The following ENTPD7 variants were observed in gnomAD, a reference collection of about 807,000 sequenced individuals.
The protein encoded by ENTPD7 is ectonucleoside triphosphate diphosphohydrolase 7, also known as NTPDase 7.
A neutral mutation model predicts 77.9 loss-of-function variants in ENTPD7; 53 were observed. That is an observed-to-expected ratio of 0.68 (90% CI 0.55 to 0.85). The LOEUF is 0.85. Among genes scored for constraint, ENTPD7 ranks in the 40% least tolerant of loss-of-function variants. The probability of loss-of-function intolerance (pLI) is 0.00; values close to 1 mark genes in which losing one functional copy is unlikely to be tolerated. For missense variants in ENTPD7, 636 were observed against 743.7 expected (o/e 0.86, Z 1.68); for synonymous variants, 248 against 274.9 (o/e 0.90, Z 0.97).
intron 3 of ENTPD7, among the ~76,000 whole-genome samples, chr10:99,678,820 AATC>A (rs1474475567): frequency 6.6e-6 from 1 of 150,680 alleles, no homozygotes; most frequent in Non-Finnish European, 1.5e-5. Context: ...TTAAATGAGA[AATC>A]ATTCCACAAT....
chr10:99,674,096 G>A (rs1472298313), intron 3 of ENTPD7, among the ~76,000 whole-genome samples: 1 of 152,162 alleles, frequency 6.6e-6, no homozygotes, highest in African/African-American at 2.4e-5. Flanking sequence ...GCATTGTTGG[G>A]TAGAGGCTTT....
At chr10:99,686,891 G>A (rs1054158080) in intron 6 of ENTPD7, among the ~76,000 whole-genome samples, 2 of 147,634 alleles carry the variant, frequency 1.4e-5, no homozygotes, top group Non-Finnish European at 3.0e-5. Context: ...CTCAAGTTCT[G>A]AGCTGCTTTC....
chr10:99,691,036 G>C (rs565262367), intron 7 of ENTPD7, among the ~76,000 whole-genome samples: 1 of 152,204 alleles, frequency 6.6e-6, no homozygotes, highest in East Asian at 1.9e-4. Flanking sequence ...ACTGAGGCTA[G>C]AGTTTAGTGG....
At chr10:99,691,331 A>C (rs2035879908) in intron 7 of ENTPD7, 54 bp from the exon 8 acceptor site, 1 of 1,574,670 alleles carries the variant, frequency 6.4e-7, no homozygotes, top group Non-Finnish European at 8.6e-7. Context: ...TGGGGGTTTG[A>C]CTTAATTTTA....
chr10:99,685,100 A>T (rs2035795626), intron 5 of ENTPD7, among the ~76,000 whole-genome samples: 1 of 152,192 alleles, frequency 6.6e-6, no homozygotes, highest in Admixed American at 6.5e-5. Flanking sequence ...TCTACTAAAA[A>T]TACAAAATTA....
chr10:99,706,471 G>A lies in ENTPD7; in HGVS notation c.*1788G>A, dbSNP rs2036255637. On this transcript the variant is annotated 3_prime_UTR_variant, in exon 13 of 13. Transcript: ENST00000370489. ...CCAACTCAGACTCCAGAGTAGCTGG[G>A]ACTACAGGTGTGCGCCACCACACTC... Among the ~76,000 whole-genome samples, 1 of 151,548 alleles carries A rather than the reference G, an allele frequency of 6.6e-6. No individual in the cohort carries two copies. The highest frequency in any genetic ancestry group is 2.1e-4 in the South Asian group (1 of 4,764).
chr10:99,666,429 G>A (rs1417959546), intron 3 of ENTPD7, among the ~76,000 whole-genome samples: 4 of 152,088 alleles, frequency 2.6e-5, no homozygotes, highest in Non-Finnish European at 4.4e-5. Context: ...GGCTGGTCTC[G>A]AATCCCTGGC....
At chr10:99,687,879 A>G (rs1311225084) in intron 6 of ENTPD7, among the ~76,000 whole-genome samples, 1 of 152,118 alleles carries the variant, frequency 6.6e-6, no homozygotes, top group Non-Finnish European at 1.5e-5. Context: ...TCATGACTGC[A>G]TCTGCATCCA....
intron 3 of ENTPD7, among the ~76,000 whole-genome samples, chr10:99,676,160 TA>T (rs1293839117): frequency 6.6e-6 from 1 of 152,196 alleles, no homozygotes; most frequent in Non-Finnish European, 1.5e-5. Flanking sequence ...CTACTAAAGA[TA>T]TTTGCAAAAT....
At chr10:99,661,757 T>G in intron 3 of ENTPD7, 129 bp downstream of exon 3, 2 of 846,182 alleles carry the variant, frequency 2.4e-6, no homozygotes, top group Non-Finnish European at 3.4e-6. Flanking sequence ...ATTTATTACA[T>G]AAAGAAGATT....
At chr10:99,686,422 T>C (rs1265320213) in intron 6 of ENTPD7, among the ~76,000 whole-genome samples, 2 of 152,140 alleles carry the variant, frequency 1.3e-5, no homozygotes, top group Non-Finnish European at 2.9e-5. Context: ...TGCAGCCAAA[T>C]TGGCCAGTTT....
intron 12 of ENTPD7, among the ~76,000 whole-genome samples, chr10:99,703,811 T>A (rs1564637819): frequency 6.6e-6 from 1 of 152,222 alleles, no homozygotes; most frequent in Non-Finnish European, 1.5e-5. Context: ...AACCTTGAAC[T>A]CCTGGGCTCA....
Position 99,704,921 on chromosome 10 carries a change from A to G in ENTPD7, c.*238A>G. The G allele has an allele frequency of 1.9e-6, 1 of 537,110 alleles. No homozygotes were observed. The highest frequency in any genetic ancestry group is 3.3e-6 in the Non-Finnish European group (1 of 298,914). 33.3% of individuals were successfully genotyped at this position (537,110 alleles called of 1,614,324 possible). A position where few individuals can be genotyped will look rare whatever the true frequency, so the allele number is the denominator to read the frequency against. On this transcript the variant is annotated 3_prime_UTR_variant, in exon 13 of 13. Transcript: ENST00000370489. Reference sequence around the variant, plus strand: ...GAGATTGGTGCTAATACGGGGGACCAAGCTTTGTCCAAGTGAAGCAGGCTT... The same window carrying G: ...GAGATTGGTGCTAATACGGGGGACCGAGCTTTGTCCAAGTGAAGCAGGCTT...
chr10:99,660,561 CAG>C (rs898005501), intron 2 of ENTPD7: 5 of 282,844 alleles, frequency 1.8e-5, no homozygotes, highest in Admixed American at 4.7e-5. Flanking sequence ...CACACACACA[CAG>C]AGATATATTA....
At chr10:99,670,943 A>G (rs1034022216) in intron 3 of ENTPD7, among the ~76,000 whole-genome samples, 1 of 152,124 alleles carries the variant, frequency 6.6e-6, no homozygotes, top group African/African-American at 2.4e-5. Context: ...ACTTGAGCCC[A>G]GGAGGCCAAG....
intron 11 of ENTPD7, 102 bp from the exon 12 acceptor site, chr10:99,702,410 A>T (rs1164106819): frequency 2.1e-6 from 2 of 964,552 alleles, no homozygotes; most frequent in Non-Finnish European, 2.9e-6. Flanking sequence ...GGGAGGAGGT[A>T]GGTCTTTTAA....
intron 6 of ENTPD7, among the ~76,000 whole-genome samples, chr10:99,687,268 T>TC (rs1379544679): frequency 9.9e-6 from 1 of 100,900 alleles, no homozygotes; most frequent in East Asian, 2.8e-4. Flanking sequence ...TCTTTTTTTT[T>TC]TTTTTTTTTT....
At chr10:99,663,397 G>A (rs1181833065) in intron 3 of ENTPD7, among the ~76,000 whole-genome samples, 1 of 149,076 alleles carries the variant, frequency 6.7e-6, no homozygotes, top group African/African-American at 2.5e-5. Flanking sequence ...AGAATTTTCT[G>A]TTTATCACTG....
intron 3 of ENTPD7, among the ~76,000 whole-genome samples, chr10:99,664,695 C>T (rs953885608): frequency 2.0e-5 from 3 of 149,830 alleles, no homozygotes; most frequent in Non-Finnish European, 4.5e-5. Flanking sequence ...GTGGTCTACC[C>T]ACGTTGGCCT....
Sources: gnomAD v4.1 joint callset for allele counts (sites outside exome capture counted in the v4.1 genomes callset) on GRCh38, gnomAD v4.1.1 for gene constraint, MANE v1.5 for transcripts, NCBI Gene and HGNC (gene_info 2026-07-23, HGNC 2026-07-21) for gene names.